Variants in RB1CC1 observed in about 807,000 individuals in gnomAD.
RB1CC1 encodes the protein RB1-inducible coiled-coil protein 1.
RB1CC1 carries 46 observed loss-of-function variants against 177.5 expected under a neutral mutation model. The ratio of observed to expected loss-of-function variants is 0.26; its 90% CI spans 0.20 to 0.33. RB1CC1 has a LOEUF of 0.33. RB1CC1 is among the 10% of genes least tolerant of loss of function. The probability of loss-of-function intolerance (pLI) is 1.00; values close to 1 mark genes in which losing one functional copy is unlikely to be tolerated. For missense variants in RB1CC1, 1,703 were observed against 1,816.3 expected (o/e 0.94, Z 1.13); for synonymous variants, 666 against 613.6 (o/e 1.09, Z -1.26).
chr8:52,692,525 C>T (rs1854973472), intron 1 of RB1CC1, among the ~76,000 whole-genome samples: 1 of 152,102 alleles, frequency 6.6e-6, no homozygotes, highest in Non-Finnish European at 1.5e-5. Flanking sequence ...TAAGAATTAT[C>T]CGCATCATTC....
intron 8 of RB1CC1, among the ~76,000 whole-genome samples, chr8:52,666,573 C>A (rs1323611490): frequency 6.6e-6 from 1 of 150,900 alleles, no homozygotes; most frequent in East Asian, 1.9e-4. Flanking sequence ...AACAGACACA[C>A]AGGAACAGGC....
intron 18 of RB1CC1, among the ~76,000 whole-genome samples, chr8:52,641,268 C>T (rs370338174): frequency 2.0e-5 from 3 of 150,754 alleles, no homozygotes; most frequent in Non-Finnish European, 3.0e-5. Context: ...CCTGTAATCC[C>T]GGCTATTCAG....
Position 52,657,348 on chromosome 8 carries a change from T to C in RB1CC1, c.2481A>G (p.Gln827=). Residue 827 remains glutamine (Q), a synonymous_variant, in exon 15 of 24, where the codon CAA becomes CAG. Coordinates refer to ENST00000025008, the MANE Select transcript of RB1CC1 (RefSeq NM_014781.5). The part of the protein sequence containing the change: ...EDLCHFRTFV[Q]KEQCDFSNSL... Reference sequence around the variant, plus strand: ...AATTTGAGAAGTCACACTGTTCTTTTTGTACAAATGTTCTAAAGTGGCAAA... The same window carrying C: ...AATTTGAGAAGTCACACTGTTCTTTCTGTACAAATGTTCTAAAGTGGCAAA... 6.2e-7 allele frequency: 1 copy of C among 1,613,988 alleles called. No homozygotes were observed. Among genetic ancestry groups the C allele is most frequent in the Non-Finnish European group, 8.5e-7 (1 of 1,179,940 alleles).
rs569875635 is a variant in RB1CC1, at chr8:52,688,814, C to T, written c.-166-1847G>A. On this transcript the variant is annotated intron_variant, in intron 1 of 23. Transcript: ENST00000025008. The stretch of plus-strand genomic sequence containing the variant: ...TCACTGTCCTACCGATATGTGATGT[C>T]GCCCCCGGCGGCCCAGCTGTAAAAT... 8.6e-4 allele frequency among the ~76,000 whole-genome samples: 131 copies of T among 152,264 alleles called. 1 individual carries two copies. The highest frequency in any genetic ancestry group is 2.9e-3 in the African/African-American group (120 of 41,552).
chr8:52,630,453 A>G lies in RB1CC1; in HGVS notation c.4499+17T>C, dbSNP rs1470437262. The G allele has an allele frequency of 3.2e-6, 5 of 1,562,738 alleles. No individual in the cohort carries two copies. Among genetic ancestry groups the G allele is most frequent in the Non-Finnish European group, 3.5e-6 (4 of 1,158,642 alleles). On this transcript the variant is annotated intron_variant, in intron 21 of 23. Transcript: ENST00000025008. ...ATGTTTTTCACAGAAAAATACTCAC[A>G]AAACTAAAATACTTACTCTCTAATA...
intron 16 of RB1CC1, among the ~76,000 whole-genome samples, chr8:52,644,916 C>A (rs1295396825): frequency 6.6e-6 from 1 of 152,174 alleles, no homozygotes; most frequent in East Asian, 1.9e-4. Context: ...TTATCCCTGG[C>A]CTGAATTCTA....
At chr8:52,699,332 C>T (rs1435610498) in intron 1 of RB1CC1, among the ~76,000 whole-genome samples, 3 of 152,078 alleles carry the variant, frequency 2.0e-5, no homozygotes, top group Non-Finnish European at 4.4e-5. Flanking sequence ...CACAGGGCTA[C>T]TGTAGGGGAT....
chr8:52,686,282 G>A (rs1854269669), intron 2 of RB1CC1: 2 of 152,368 alleles, frequency 1.3e-5, no homozygotes, highest in Admixed American at 1.3e-4. Context: ...AGTGGCTCAT[G>A]CCTGCAATCC....
rs1194075900 is a variant in RB1CC1 at position 52,685,524 on chromosome 8, GAAGA to G, written c.-51-8_-51-5del. ...ACCTCACCCTCTGATACAGTTACTA[GAAGA>G]AACAAGAGAAGTGATCAATTTTACA... On this transcript the variant is annotated splice_polypyrimidine_tract_variant and splice_region_variant and intron_variant, in intron 2 of 23. Transcript: ENST00000025008. 9.2e-7 allele frequency: 1 copy of G among 1,088,372 alleles called. No homozygotes were observed. Among genetic ancestry groups the G allele is most frequent in the Non-Finnish European group, 1.4e-6 (1 of 732,400 alleles). The allele number at this position is 1,088,372 out of a possible 1,614,324, so 67.4% of individuals were successfully genotyped here.
At position 52,661,603 on chromosome 8, in the gene RB1CC1, C is replaced by A; in HGVS notation, c.1290G>T (p.Leu430=). The A allele has an allele frequency of 1.2e-6, 2 of 1,612,866 alleles. No homozygotes were observed. Among genetic ancestry groups the A allele is most frequent in the African/African-American group, 1.3e-5 (1 of 74,992 alleles). The change falls in exon 9 of 24, where the codon CTG becomes CTT. Residue 430 remains leucine (L), a synonymous_variant. Transcript: ENST00000025008. ...TGGTACACTTCTGCTTAATATCTAA[C>A]AGTTTTCTATGATTTTGCAACATAA... ...LMIMLQNHRK[L]LDIKQKCTTA...
intron 17 of RB1CC1, 49 bp downstream of exon 17, chr8:52,642,655 T>A (rs373630765): frequency 2.1e-5 from 33 of 1,579,058 alleles, no homozygotes; most frequent in African/African-American, 2.7e-5. Context: ...CATGAATGTA[T>A]CTTTTCCACT....
At chr8:52,655,959 A>T in intron 15 of RB1CC1, 49 bp downstream of exon 15, 2 of 1,387,462 alleles carry the variant, frequency 1.4e-6, no homozygotes, top group Non-Finnish European at 2.0e-6. Context: ...CACACAAACG[A>T]ATCACTGATA....
intron 20 of RB1CC1, among the ~76,000 whole-genome samples, chr8:52,634,428 A>C (rs1461480454): frequency 6.6e-6 from 1 of 152,076 alleles, no homozygotes; most frequent in African/African-American, 2.4e-5. Context: ...CGGGAGGCTA[A>C]TGCACAAGAA....
rs543266895 is a variant in RB1CC1, at chr8:52,637,657, GCATTT to G, written c.4338-1593_4338-1589del. Among the ~76,000 whole-genome samples, 123 of 147,916 alleles carry G rather than the reference GCATTT, an allele frequency of 8.3e-4. 1 individual carries two copies. The highest frequency in any genetic ancestry group is 3.1e-3 in the African/African-American group (117 of 37,754). ...TTTTTTCTTCCTTACCAATCTAGAT[GCATTT>G]ATTTATTTATTTATTTATTTATATA... On this transcript the variant is annotated intron_variant, in intron 18 of 23. Coordinates refer to ENST00000025008, the MANE Select transcript of RB1CC1 (RefSeq NM_014781.5).
chr8:52,642,735 T>G lies in RB1CC1; in HGVS notation c.4065A>C (p.Lys1355Asn). Residue 1355 changes from lysine to asparagine, a missense_variant, in exon 17 of 24, where the codon AAA becomes AAC. By Grantham distance (94) the Lys-to-Asn change is moderately conservative. Coordinates refer to ENST00000025008, the MANE Select transcript of RB1CC1 (RefSeq NM_014781.5). Reference protein sequence around the residue: ...NIINDLSDKLKSTMQQQERDK... With the variant: ...NIINDLSDKLNSTMQQQERDK... ...CCCGTTCTTGTTGCTGCATTGTACT[T>G]TTCAACTTATCACTAAGATCATTTA... 6.3e-7 allele frequency: 1 copy of G among 1,582,096 alleles called. No homozygotes were observed. Among genetic ancestry groups the G allele is most frequent in the South Asian group, 1.2e-5 (1 of 84,186 alleles).
intron 1 of RB1CC1, among the ~76,000 whole-genome samples, chr8:52,712,496 C>CAAAAAAAA: frequency 1.0e-5 from 1 of 100,490 alleles, no homozygotes; most frequent in Non-Finnish European, 2.0e-5. Context: ...CAGCAAGAGC[C>CAAAAAAAA]AAAAAAAAAA....
chr8:52,669,110 T>TA (rs768905725), intron 7 of RB1CC1, among the ~76,000 whole-genome samples: 7 of 152,240 alleles, frequency 4.6e-5, no homozygotes, highest in Non-Finnish European at 1.0e-4. Context: ...TCTGACTGTT[T>TA]ACTAACATCT....
chr8:52,642,629 T>TA (rs746449564), intron 17 of RB1CC1, 38 bp from the exon 18 acceptor site: 34 of 1,598,756 alleles, frequency 2.1e-5, no homozygotes, highest in Non-Finnish European at 2.8e-5. Flanking sequence ...ATCATGTAAT[T>TA]AAAAAAACCA....
intron 1 of RB1CC1, among the ~76,000 whole-genome samples, chr8:52,709,119 C>G (rs1345249067): frequency 6.6e-6 from 1 of 151,950 alleles, no homozygotes. Context: ...AGGCAGGAGA[C>G]TCGCTTGAAC....
Sources: gnomAD v4.1 joint callset for allele counts (sites outside exome capture counted in the v4.1 genomes callset) on GRCh38, gnomAD v4.1.1 for gene constraint, MANE v1.5 for transcripts, NCBI Gene and HGNC (gene_info 2026-07-23, HGNC 2026-07-21) for gene names.